Variants in U2SURP observed in about 807,000 individuals in gnomAD.
U2SURP encodes the protein U2 snRNP-associated SURP motif-containing protein.
U2SURP carries 9 observed loss-of-function variants against 144.9 expected under a neutral mutation model. That is an observed-to-expected ratio of 0.06 (90% confidence interval 0.04 to 0.11). The LOEUF is 0.11. U2SURP is among the 10% of genes least tolerant of loss of function. The probability of loss-of-function intolerance (pLI) is 1.00; values close to 1 mark genes in which losing one functional copy is unlikely to be tolerated. For synonymous variants in U2SURP, 408 were observed against 396.8 expected (o/e 1.03, Z -0.33); for missense variants, 724 against 1,226.7 (o/e 0.59, Z 6.12).
chr3:143,006,550 G>A (rs1301378328), intron 1 of U2SURP, among the ~76,000 whole-genome samples: 1 of 152,194 alleles, frequency 6.6e-6, no homozygotes, highest in Non-Finnish European at 1.5e-5. Flanking sequence ...GAGGTCGGGA[G>A]TTCAAGACCA....
chr3:143,055,206 ATT>A (rs74668359), intron 27 of U2SURP, 87 bp downstream of exon 27: 2,176 of 985,352 alleles, frequency 2.2e-3, no homozygotes, highest in East Asian at 2.8e-3. Flanking sequence ...GTTGGCATAC[ATT>A]TTTTTTTTTT....
At chr3:143,048,640 G>T (rs1458371814) in intron 24 of U2SURP, among the ~76,000 whole-genome samples, 1 of 152,210 alleles carries the variant, frequency 6.6e-6, no homozygotes, top group African/African-American at 2.4e-5. Flanking sequence ...AAATATGTCT[G>T]AAATCCCACC....
chr3:143,004,566 C>T (rs1457857019), intron 1 of U2SURP, among the ~76,000 whole-genome samples: 2 of 62,434 alleles, frequency 3.2e-5, no homozygotes, highest in African/African-American at 2.9e-4. Flanking sequence ...GGCCTCTTGA[C>T]CTTGTGACCC....
chr3:143,012,331 C>A lies in U2SURP; in HGVS notation c.200C>A (p.Ser67Tyr). ...NESARESLCD[S>Y]PHQNLSRPLL... ...AGTGCCCGTGAAAGCCTTTGTGATT[C>A]TCCTCATCAGAATCTCTCAAGAGTG... is the stretch of plus-strand genomic sequence containing the variant. The change falls in exon 3 of 28, where the codon TCT becomes TAT. Residue 67 changes from serine (S) to tyrosine (Y), a missense_variant. Transcript: ENST00000473835. 8 of 1,612,124 alleles carry A rather than the reference C, an allele frequency of 5.0e-6. No homozygotes were observed. The highest frequency in any genetic ancestry group is 6.8e-6 in the Non-Finnish European group (8 of 1,178,884).
intron 9 of U2SURP, 31 bp from the exon 10 acceptor site, chr3:143,021,442 G>A (rs754288199): frequency 7.4e-6 from 12 of 1,611,778 alleles, no homozygotes; most frequent in Non-Finnish European, 1.0e-5. Flanking sequence ...ATGTTTTGCA[G>A]GTTATAATTC....
intron 1 of U2SURP, among the ~76,000 whole-genome samples, chr3:143,009,027 A>T (rs1325312596): frequency 6.6e-6 from 1 of 152,194 alleles, no homozygotes; most frequent in East Asian, 1.9e-4. Context: ...GGCGTGAGCC[A>T]CTGCACCTGG....
intron 23 of U2SURP, among the ~76,000 whole-genome samples, chr3:143,040,062 T>G (rs1934025368): frequency 6.6e-6 from 1 of 151,950 alleles, no homozygotes; most frequent in African/African-American, 2.4e-5. Flanking sequence ...ATCCTATGAT[T>G]AGTAACATCT....
intron 24 of U2SURP, among the ~76,000 whole-genome samples, chr3:143,046,002 G>C (rs1327002775): frequency 6.6e-6 from 1 of 152,124 alleles, no homozygotes; most frequent in Non-Finnish European, 1.5e-5. Flanking sequence ...TCGAGATTTA[G>C]AATCCAAACC....
rs935379183 is a variant in U2SURP at position 143,016,467 on chromosome 3, T to C, written c.436+96T>C. 5.4e-5 allele frequency: 59 copies of C among 1,096,522 alleles called. 1 individual carries two copies. Among genetic ancestry groups the C allele is most frequent in the Non-Finnish European group, 7.4e-5 (56 of 755,850 alleles). The allele number at this position is 1,096,522 out of a possible 1,614,324, so 67.9% of individuals were successfully genotyped here. A position where few individuals can be genotyped will look rare whatever the true frequency, so the allele number is the denominator to read the frequency against. On this transcript the variant is annotated intron_variant, in intron 5 of 27. Coordinates refer to ENST00000473835, the MANE Select transcript of U2SURP (RefSeq NM_001080415.2). ...TTGAATGACTGCAGGTAGATAATTA[T>C]GAAAGGAAGTTTGGTTGCTTTTGAA...
At chr3:143,008,752 G>A (rs1210504720) in intron 1 of U2SURP, among the ~76,000 whole-genome samples, 3 of 152,184 alleles carry the variant, frequency 2.0e-5, no homozygotes, top group South Asian at 2.1e-4. Context: ...GTATTGGAAG[G>A]CAATTGAGTT....
intron 19 of U2SURP, among the ~76,000 whole-genome samples, 151 bp downstream of exon 19, chr3:143,035,126 T>C (rs941274412): frequency 2.6e-5 from 4 of 152,212 alleles, no homozygotes; most frequent in Admixed American, 1.3e-4. Context: ...TCTGTCGTTT[T>C]TGTTTTTATC....
In U2SURP at chr3:143,005,128, T is replaced by G. The variant is rs527416843; in HGVS notation, c.45+3455T>G. On this transcript the variant is annotated intron_variant, in intron 1 of 27. Transcript: ENST00000473835. The stretch of plus-strand genomic sequence containing the variant: ...GTAATTGTGTGCCCTGCTATTTCAC[T>G]CTGTGACTATGGCTTTTTTTTTTTT... Among the ~76,000 whole-genome samples, 27 of 151,866 alleles carry G rather than the reference T, an allele frequency of 1.8e-4. No individual in the cohort carries two copies. In the South Asian group the frequency reaches 5.4e-3, roughly 30 times the overall value.
chr3:143,007,588 C>T (rs1384800436), intron 1 of U2SURP, among the ~76,000 whole-genome samples: 1 of 151,848 alleles, frequency 6.6e-6, no homozygotes, highest in African/African-American at 2.4e-5. Flanking sequence ...ACTACAGGTG[C>T]CCGCCACCGC....
chr3:143,049,386 TAAATA>T (rs1000530384), intron 24 of U2SURP, among the ~76,000 whole-genome samples: 2 of 151,998 alleles, frequency 1.3e-5, no homozygotes, highest in African/African-American at 4.8e-5. Context: ...TTTTGAAGTA[TAAATA>T]AAATGCTGTA....
At chr3:143,013,112 T>G (rs1293935509) in intron 3 of U2SURP, among the ~76,000 whole-genome samples, 1 of 152,102 alleles carries the variant, frequency 6.6e-6, no homozygotes, top group Non-Finnish European at 1.5e-5. Context: ...TTATATTGTT[T>G]ATTTGAAAAA....
intron 18 of U2SURP, 144 bp from the exon 19 acceptor site, chr3:143,034,737 TTTTAGAG>T (rs1933716972): frequency 1.7e-6 from 1 of 575,372 alleles, no homozygotes; most frequent in Admixed American, 3.1e-5. Context: ...TCAGTTACGG[TTTTAGAG>T]TTTAAACACC....
chr3:143,010,374 A>G (rs1936061380), intron 1 of U2SURP, among the ~76,000 whole-genome samples: 1 of 152,218 alleles, frequency 6.6e-6, no homozygotes, highest in African/African-American at 2.4e-5. Flanking sequence ...ATAGACAGCA[A>G]GGATTTATAT....
At chr3:143,021,304 A>G in intron 8 of U2SURP, 46 bp from the exon 9 acceptor site, 1 of 1,551,508 alleles carries the variant, frequency 6.4e-7, no homozygotes, top group Non-Finnish European at 8.7e-7. Flanking sequence ...AGGGGGGACT[A>G]CTGTATTATA....
intron 1 of U2SURP, among the ~76,000 whole-genome samples, chr3:143,007,859 T>C (rs1287916484): frequency 1.3e-5 from 2 of 152,252 alleles, no homozygotes; most frequent in East Asian, 1.9e-4. Context: ...GAAGCTCAGC[T>C]TCTGAAGTAG....
Sources: allele counts gnomAD v4.1 joint callset (sites outside exome capture counted in the v4.1 genomes callset), GRCh38; gene constraint gnomAD v4.1.1; transcripts MANE v1.5; gene names NCBI Gene and HGNC (gene_info 2026-07-23, HGNC 2026-07-21).